RBM6: variants seen among roughly 807,000 people sequenced by gnomAD.
RBM6 encodes RNA-binding protein 6.
In RBM6, 23 loss-of-function variants were observed where a neutral mutation model predicts 140.4. The observed-to-expected ratio is 0.16, with a 90% CI of 0.12 to 0.23. The LOEUF (loss-of-function observed/expected upper bound fraction) is 0.23. Among genes scored for constraint, RBM6 ranks in the 10% least tolerant of loss-of-function variants. RBM6 has a pLI of 1.00. For missense variants in RBM6, 1,139 were observed against 1,386.7 expected, an observed-to-expected ratio of 0.82 and a Z score of 2.84; for synonymous variants, 439 against 475.6, an observed-to-expected ratio of 0.92 and a Z score of 1.00.
Position 50,056,506 on chromosome 3 carries a change from GGA to G in RBM6, c.1694-1221_1694-1220del, listed in dbSNP as rs1310608337. On this transcript the variant is annotated intron_variant, in intron 8 of 20. Transcript: ENST00000266022. ...AGACAGGGTTTCACTGTGTTAGCCA[GGA>G]TGGTCTCGATCTCCTGACCTCGTGA... Among the ~76,000 whole-genome samples the G allele has an allele frequency of 2.0e-5, 3 of 152,252 alleles. No individual in the cohort carries two copies. In the East Asian group the frequency reaches 5.8e-4, roughly 29 times the overall value.
At chr3:50,049,695 T>C (rs576023886) in intron 7 of RBM6, among the ~76,000 whole-genome samples, 3 of 152,192 alleles carry the variant, frequency 2.0e-5, no homozygotes, top group Non-Finnish European at 4.4e-5. Flanking sequence ...TACTCCCTTA[T>C]GGTGTCATTT....
intron 8 of RBM6, among the ~76,000 whole-genome samples, chr3:50,056,162 G>A (rs1168454203): frequency 6.6e-6 from 1 of 152,128 alleles, no homozygotes; most frequent in Non-Finnish European, 1.5e-5. Flanking sequence ...ACCAAAATGT[G>A]GGAAGGAGGA....
In RBM6 at chr3:50,066,136, T is replaced by C. The variant is rs188471193; in HGVS notation, c.2683-106T>C. 6.6e-3 allele frequency: 8,448 copies of C among 1,273,172 alleles called. 40 individuals carry two copies. The highest frequency in any genetic ancestry group is 8.3e-3 in the Non-Finnish European group (7,806 of 938,910). 78.9% of individuals were successfully genotyped at this position (1,273,172 alleles called of 1,614,324 possible). A position where few individuals can be genotyped will look rare whatever the true frequency, so the allele number is the denominator to read the frequency against. ...GAGCAGCATGGCTAGTGAGTTTATT[T>C]TGAACCCAATTCAATGAAATGAGAT... On this transcript the variant is annotated intron_variant, in intron 16 of 20. Coordinates refer to ENST00000266022, the MANE Select transcript of RBM6 (RefSeq NM_005777.3).
chr3:50,052,271 G>A (rs1335109978), intron 7 of RBM6, among the ~76,000 whole-genome samples: 1 of 152,138 alleles, frequency 6.6e-6, no homozygotes, highest in Non-Finnish European at 1.5e-5. Flanking sequence ...CTCCATGTTG[G>A]CTAGGCTGGT....
At position 50,062,064 on chromosome 3, in the gene RBM6, T is replaced by C; in HGVS notation, c.2542T>C (p.Ser848Pro). The C allele has an allele frequency of 6.2e-7, 1 of 1,613,886 alleles. No individual in the cohort carries two copies. The highest frequency in any genetic ancestry group is 8.5e-7 in the Non-Finnish European group (1 of 1,179,950). Residue 848 changes from serine to proline, a missense_variant, in exon 15 of 21, where the codon TCT becomes CCT. Ser to Pro is a moderately conservative substitution (Grantham distance 74). This residue lies in a region of RBM6 where 163 missense variants were observed against 182.8 expected (regional missense o/e 0.89). Coordinates refer to ENST00000266022, the MANE Select transcript of RBM6 (RefSeq NM_005777.3). ...QGKSSSKKEM[S>P]KRDGKEKKDR... ...AAAGTCAAGTAGCAAGAAGGAAATG[T>C]CTAAAAGAGATGGCAAGGAGAAAAA...
chr3:50,067,921 T>C (rs2090171673), intron 17 of RBM6, among the ~76,000 whole-genome samples: 1 of 152,232 alleles, frequency 6.6e-6, no homozygotes, highest in Non-Finnish European at 1.5e-5. Context: ...TTTGCAAAGA[T>C]AGGACTCTGA....
rs1409603353 is a variant in RBM6, at chr3:49,945,171, G to A, written c.-67+4946G>A. On this transcript the variant is annotated intron_variant, in intron 1 of 20. Coordinates refer to ENST00000266022, the MANE Select transcript of RBM6 (RefSeq NM_005777.3). ...ATTACAGGCGTGAGCCACCGCGCCC[G>A]GCCAATTTTTTTTTTTTTTTTTTTT... Among the ~76,000 whole-genome samples, 4 of 142,182 alleles carry A rather than the reference G, an allele frequency of 2.8e-5. 1 individual carries two copies. Among genetic ancestry groups the A allele is most frequent in the South Asian group, 2.2e-4 (1 of 4,584 alleles). The allele number at this position is 142,182 out of a possible 152,430, so 93.3% of individuals were successfully genotyped here. A position where few individuals can be genotyped will look rare whatever the true frequency, so the allele number is the denominator to read the frequency against.
At chr3:50,018,044 A>T (rs2087261036) in intron 6 of RBM6, among the ~76,000 whole-genome samples, 1 of 152,224 alleles carries the variant, frequency 6.6e-6, no homozygotes, top group Non-Finnish European at 1.5e-5. Context: ...AGCAACATTG[A>T]TACATCATTA....
At chr3:49,964,066 AATT>A (rs2084402383) in intron 2 of RBM6, among the ~76,000 whole-genome samples, 1 of 151,778 alleles carries the variant, frequency 6.6e-6, no homozygotes, top group South Asian at 2.1e-4. Flanking sequence ...ATGCCTGGCT[AATT>A]ATTGTATTTT....
At chr3:50,029,312 A>C (rs996541646) in intron 6 of RBM6, among the ~76,000 whole-genome samples, 1 of 152,184 alleles carries the variant, frequency 6.6e-6, no homozygotes, top group Admixed American at 6.6e-5. Flanking sequence ...AGGGATTAGG[A>C]GTAGATGTGG....
intron 5 of RBM6, among the ~76,000 whole-genome samples, chr3:49,985,293 A>G (rs2085505670): frequency 6.6e-6 from 1 of 152,218 alleles, no homozygotes; most frequent in Non-Finnish European, 1.5e-5. Flanking sequence ...TGAGCACCAG[A>G]TAGAGGCCAT....
intron 12 of RBM6, 53 bp downstream of exon 12, chr3:50,061,051 G>A (rs2089917939): frequency 1.2e-5 from 19 of 1,605,582 alleles, no homozygotes; most frequent in Non-Finnish European, 1.6e-5. Context: ...GTGACTATAA[G>A]GGTGATCTTG....
At chr3:50,048,180 G>A (rs1205859009) in intron 6 of RBM6, 65 bp from the exon 7 acceptor site, 5 of 1,583,306 alleles carry the variant, frequency 3.2e-6, no homozygotes, top group Non-Finnish European at 4.3e-6. Context: ...GGCTCTCTGT[G>A]CCTTTCTGTC....
chr3:49,999,291 G>A (rs2086219663), intron 5 of RBM6, 149 bp from the exon 6 acceptor site: 1 of 633,672 alleles, frequency 1.6e-6, no homozygotes, highest in Admixed American at 2.6e-5. Flanking sequence ...TTTTCTATTT[G>A]GGGTAGCAAC....
At chr3:49,989,445 C>T (rs1213185427) in intron 5 of RBM6, among the ~76,000 whole-genome samples, 1 of 152,102 alleles carries the variant, frequency 6.6e-6, no homozygotes, top group Non-Finnish European at 1.5e-5. Context: ...TGTGGTGGCA[C>T]ACGCCTGTAA....
At chr3:50,021,600 C>T (rs1208516425) in intron 6 of RBM6, among the ~76,000 whole-genome samples, 2 of 152,050 alleles carry the variant, frequency 1.3e-5, no homozygotes, top group African/African-American at 4.8e-5. Flanking sequence ...AAGATTGCGC[C>T]AGTGCACTCC....
intron 7 of RBM6, among the ~76,000 whole-genome samples, chr3:50,053,549 A>AG (rs397947655): frequency 5.9e-5 from 9 of 152,038 alleles, no homozygotes; most frequent in Admixed American, 4.6e-4. Context: ...AAAAAAAAAA[A>AG]GAATTAGCCA....
chr3:49,956,696 G>A (rs964888795), intron 1 of RBM6, among the ~76,000 whole-genome samples: 1 of 144,668 alleles, frequency 6.9e-6, no homozygotes, highest in South Asian at 2.2e-4. Flanking sequence ...ACGGAGTTTC[G>A]TTCTTGTTGC....
At chr3:50,061,314 C>A in intron 13 of RBM6, 93 bp downstream of exon 13, 1 of 1,599,032 alleles carries the variant, frequency 6.3e-7, no homozygotes, top group South Asian at 1.1e-5. Context: ...GCAAGATACA[C>A]TGTTGACTGA....
Sources: allele counts gnomAD v4.1 joint callset (sites outside exome capture counted in the v4.1 genomes callset), GRCh38; gene constraint gnomAD v4.1.1; regional missense constraint gnomAD v4.1.1; transcripts MANE v1.5; gene names NCBI Gene and HGNC (gene_info 2026-07-23, HGNC 2026-07-21).